The following IRF2 variants were observed in gnomAD, a reference collection of about 807,000 sequenced individuals.
IRF2 encodes interferon regulatory factor 2.
In IRF2, 15 loss-of-function variants were observed where a neutral mutation model predicts 40.6. The observed-to-expected ratio is 0.37, with a 90% confidence interval of 0.25 to 0.57. The LOEUF (loss-of-function observed/expected upper bound fraction) is 0.57, where lower values mean the gene tolerates loss of function less well. Ranked by LOEUF, IRF2 falls within the 20% of genes least tolerant of loss-of-function variation. The pLI, the probability that IRF2 is intolerant of heterozygous loss-of-function variation, is 0.77. For synonymous variants in IRF2, 151 were observed against 165.5 expected (o/e 0.91, Z 0.67); for missense variants, 317 against 455.7 (o/e 0.70, Z 2.77).
At chr4:184,467,370 TC>T (rs1439219603) in intron 1 of IRF2, among the ~76,000 whole-genome samples, 1 of 152,076 alleles carries the variant, frequency 6.6e-6, no homozygotes, top group African/African-American at 2.4e-5. Flanking sequence ...CATCACCCCA[TC>T]CCCCAACTCT....
chr4:184,422,958 TA>T (rs1255262632), intron 2 of IRF2, among the ~76,000 whole-genome samples: 2 of 152,224 alleles, frequency 1.3e-5, no homozygotes, highest in East Asian at 3.8e-4. Context: ...CACCTTTACC[TA>T]GTTTTTCATA....
chr4:184,418,028 A>G (rs1737346322), intron 5 of IRF2, 139 bp downstream of exon 5: 6 of 722,606 alleles, frequency 8.3e-6, no homozygotes, highest in Non-Finnish European at 1.5e-5. Flanking sequence ...GCTGAAGAGC[A>G]AACATGTAAA....
At chr4:184,447,295 C>A (rs1221554008) in intron 1 of IRF2, among the ~76,000 whole-genome samples, 1 of 152,176 alleles carries the variant, frequency 6.6e-6, no homozygotes, top group Non-Finnish European at 1.5e-5. Context: ...AATCTGAGCA[C>A]CCAAATACAT....
intron 6 of IRF2, among the ~76,000 whole-genome samples, chr4:184,399,613 T>C (rs1196218989): frequency 6.6e-6 from 1 of 152,270 alleles, no homozygotes; most frequent in Non-Finnish European, 1.5e-5. Flanking sequence ...AGGTTTTGTA[T>C]GAACATAAGT....
At chr4:184,417,840 G>T (rs1737337246) in intron 5 of IRF2, among the ~76,000 whole-genome samples, 1 of 144,800 alleles carries the variant, frequency 6.9e-6, no homozygotes, top group Non-Finnish European at 1.6e-5. Context: ...AATAGTATGA[G>T]AATAAGCTGT....
chr4:184,411,247 TG>T, intron 5 of IRF2, among the ~76,000 whole-genome samples: 1 of 151,940 alleles, frequency 6.6e-6, no homozygotes. Flanking sequence ...TTAGTAGAGA[TG>T]GGGTTTCACC....
At chr4:184,457,412 T>C (rs1490615820) in intron 1 of IRF2, among the ~76,000 whole-genome samples, 2 of 152,232 alleles carry the variant, frequency 1.3e-5, no homozygotes, top group Non-Finnish European at 2.9e-5. Context: ...GGAAGCCCTG[T>C]CCTAACTTCT....
chr4:184,402,237 G>GT (rs1455711887), intron 6 of IRF2, among the ~76,000 whole-genome samples: 2 of 152,300 alleles, frequency 1.3e-5, no homozygotes, highest in African/African-American at 2.4e-5. Flanking sequence ...GAAGTGGGGT[G>GT]TTTTTTCCAG....
intron 1 of IRF2, among the ~76,000 whole-genome samples, chr4:184,442,507 A>T (rs35194834): frequency 0.044 from 6,706 of 152,124 alleles, 259 homozygotes; most frequent in African/African-American, 0.11. Context: ...CCAGCCCATA[A>T]CCGATTAACC....
chr4:184,390,896 C>G, intron 7 of IRF2, 147 bp from the exon 8 acceptor site: 1 of 814,320 alleles, frequency 1.2e-6, no homozygotes, highest in Non-Finnish European at 2.0e-6. Context: ...ATGGGAGAAG[C>G]TAGAGTGAAT....
At chr4:184,428,115 C>A (rs992704866) in intron 2 of IRF2, among the ~76,000 whole-genome samples, 5 of 152,124 alleles carry the variant, frequency 3.3e-5, no homozygotes, top group Non-Finnish European at 5.9e-5. Flanking sequence ...TTTAGGTTAA[C>A]AAAGTAAGGG....
intron 1 of IRF2, among the ~76,000 whole-genome samples, chr4:184,473,462 T>G (rs1739600611): frequency 6.8e-6 from 1 of 147,358 alleles, no homozygotes; most frequent in Non-Finnish European, 1.5e-5. Flanking sequence ...GGTGCCTTCC[T>G]GGGACGCGCC....
intron 7 of IRF2, among the ~76,000 whole-genome samples, chr4:184,391,710 C>T (rs986794879): frequency 6.6e-6 from 1 of 152,236 alleles, no homozygotes; most frequent in African/African-American, 2.4e-5. Flanking sequence ...GGATTCGTGA[C>T]TCAAAGAAAC....
rs376702535 is a variant in IRF2, at chr4:184,400,416, G to A, written c.530-1337C>T. Among the ~76,000 whole-genome samples, 8 of 152,174 alleles carry A rather than the reference G, an allele frequency of 5.3e-5. No homozygotes were observed. The East Asian group carries it at 9.6e-4, about 18-fold the overall frequency. On this transcript the variant is annotated intron_variant, in intron 6 of 8. Transcript: ENST00000393593. ...AGTCATCGGTTCCTTTTCAATTGCCGAGTAGTATTCCACGGTATAGGTGTA... is the reference window on the plus strand; with the variant it reads ...AGTCATCGGTTCCTTTTCAATTGCCAAGTAGTATTCCACGGTATAGGTGTA...
chr4:184,392,654 G>C (rs138038232), intron 7 of IRF2, among the ~76,000 whole-genome samples: 16 of 152,336 alleles, frequency 1.1e-4, no homozygotes, highest in Admixed American at 2.6e-4. Flanking sequence ...CTTCCACTGA[G>C]AGCATTAGCC....
At chr4:184,442,946 A>G (rs1036881861) in intron 1 of IRF2, among the ~76,000 whole-genome samples, 14 of 151,944 alleles carry the variant, frequency 9.2e-5, no homozygotes, top group Non-Finnish European at 1.8e-4. Context: ...TTTGTTTGAG[A>G]CAGAGTCTCA....
chr4:184,455,762 A>C (rs575777051), intron 1 of IRF2, among the ~76,000 whole-genome samples: 23 of 152,222 alleles, frequency 1.5e-4, no homozygotes, highest in Non-Finnish European at 3.2e-4. Flanking sequence ...ACCTAAAAAA[A>C]AATTTTACTA....
intron 8 of IRF2, among the ~76,000 whole-genome samples, chr4:184,389,843 T>C (rs3775545): frequency 0.28 from 42,111 of 151,978 alleles, 6,100 homozygotes; most frequent in East Asian, 0.59. Flanking sequence ...GCGAGGAACT[T>C]AGTGACAGGC....
At chr4:184,461,573 A>G (rs1424637649) in intron 1 of IRF2, among the ~76,000 whole-genome samples, 7 of 152,182 alleles carry the variant, frequency 4.6e-5, no homozygotes, top group Non-Finnish European at 2.9e-5. Flanking sequence ...CTTTCGTTTT[A>G]TACCTCCCTC....
Sources: gnomAD v4.1 joint callset for allele counts (sites outside exome capture counted in the v4.1 genomes callset) on GRCh38, gnomAD v4.1.1 for gene constraint, MANE v1.5 for transcripts, NCBI Gene and HGNC (gene_info 2026-07-23, HGNC 2026-07-21) for gene names.